LARP4: variants seen among roughly 807,000 people sequenced by gnomAD.
LARP4 encodes the protein La ribonucleoprotein 4.
A neutral mutation model predicts 92.9 loss-of-function variants in LARP4; 29 were observed. The ratio of observed to expected loss-of-function variants is 0.31; its 90% CI spans 0.23 to 0.43. LARP4 has a LOEUF of 0.43. Ranked by LOEUF, LARP4 falls within the 20% of genes least tolerant of loss-of-function variation. The pLI is 1.00. For synonymous variants in LARP4, 279 were observed against 284.1 expected, an observed-to-expected ratio of 0.98 and a Z score of 0.18; for missense variants, 732 against 860.0, an observed-to-expected ratio of 0.85 and a Z score of 1.86.
chr12:50,470,653 C>T (rs1332225749), intron 13 of LARP4, among the ~76,000 whole-genome samples: 2 of 152,020 alleles, frequency 1.3e-5, no homozygotes, highest in South Asian at 2.1e-4. Context: ...AGGGTGGTCT[C>T]GAACTCCTGA....
chr12:50,430,687 A>T (rs928012215), intron 4 of LARP4, 117 bp downstream of exon 4: 7 of 588,340 alleles, frequency 1.2e-5, no homozygotes, highest in African/African-American at 1.9e-5. Flanking sequence ...CTTGAGACAG[A>T]GTCTCATGTT....
At chr12:50,413,558 A>C (rs1946272907) in intron 1 of LARP4, among the ~76,000 whole-genome samples, 1 of 152,234 alleles carries the variant, frequency 6.6e-6, no homozygotes, top group African/African-American at 2.4e-5. Context: ...TTATGTGAAC[A>C]TCAGAAAATA....
At chr12:50,426,687 GTGTGTGTGTGTGTGTGTGTGTGTGTGTGT>G (rs1948779875) in intron 1 of LARP4, among the ~76,000 whole-genome samples, 5 of 81,032 alleles carry the variant, frequency 6.2e-5, no homozygotes, top group African/African-American at 2.3e-4. Context: ...TGTTTGGGGT[GTGTGTGTGTGTGTGTGTGTGTGTGTGTGT>G]GTGTGTGTGT....
At position 50,474,228 on chromosome 12, in the gene LARP4, T is replaced by TTTC; in HGVS notation, c.1836+62_1836+64dup. On this transcript the variant is annotated intron_variant, in intron 15 of 15. Coordinates refer to ENST00000398473, the MANE Select transcript of LARP4 (RefSeq NM_052879.5). ...ACAATAGATTAGATTTTTTTTTTTT[T>TTTC]TTCACGTAACACTTTGTTAGAACAG... 3 of 1,328,706 alleles carry TTTC rather than the reference T, an allele frequency of 2.3e-6. No homozygotes were observed. The Admixed American group carries it at 6.4e-5, about 29-fold the overall frequency. 82.3% of individuals were successfully genotyped at this position (1,328,706 alleles called of 1,614,324 possible).
intron 1 of LARP4, among the ~76,000 whole-genome samples, chr12:50,419,087 A>G (rs926507995): frequency 1.1e-4 from 17 of 152,264 alleles, no homozygotes; most frequent in Middle Eastern, 3.4e-3. Flanking sequence ...GAGGCTGGGC[A>G]TGGTGGTTCA....
At chr12:50,451,244 G>A (rs1346111344) in intron 8 of LARP4, among the ~76,000 whole-genome samples, 1 of 152,032 alleles carries the variant, frequency 6.6e-6, no homozygotes, top group Non-Finnish European at 1.5e-5. Context: ...CCTAGCTTAT[G>A]GTAACCACCA....
At chr12:50,473,816 G>GGGGGGGT (rs1957221940) in intron 14 of LARP4, among the ~76,000 whole-genome samples, 183 bp from the exon 15 acceptor site, 2 of 139,114 alleles carry the variant, frequency 1.4e-5, no homozygotes, top group East Asian at 4.7e-4. Context: ...TGGGGGGGTG[G>GGGGGGGT]GGGGGGTGGG....
chr12:50,441,119 G>C (rs188720013), intron 7 of LARP4, among the ~76,000 whole-genome samples: 2 of 152,192 alleles, frequency 1.3e-5, no homozygotes, highest in Admixed American at 6.5e-5. Flanking sequence ...TCCTGACCTC[G>C]TGATTCGCCT....
chr12:50,413,606 A>G (rs1203276183), intron 1 of LARP4, among the ~76,000 whole-genome samples: 1 of 152,188 alleles, frequency 6.6e-6, no homozygotes, highest in Non-Finnish European at 1.5e-5. Context: ...CAACACACCT[A>G]GGCTATATGG....
At chr12:50,470,444 T>TCA (rs1956798526) in intron 13 of LARP4, among the ~76,000 whole-genome samples, 1 of 151,944 alleles carries the variant, frequency 6.6e-6, no homozygotes, top group Admixed American at 6.6e-5. Flanking sequence ...TCTTTCTTTT[T>TCA]TTTTTTGAGA....
chr12:50,429,162 C>T, intron 3 of LARP4, 72 bp downstream of exon 3: 1 of 1,061,330 alleles, frequency 9.4e-7, no homozygotes. Flanking sequence ...TCTCTTTATA[C>T]TTGTTCTGAT....
chr12:50,471,608 C>G (rs914812934), intron 13 of LARP4, among the ~76,000 whole-genome samples: 7 of 152,168 alleles, frequency 4.6e-5, no homozygotes, highest in Non-Finnish European at 8.8e-5. Context: ...ATTGCAACCT[C>G]CACTGCCAGG....
intron 13 of LARP4, among the ~76,000 whole-genome samples, chr12:50,470,213 C>T (rs959604039): frequency 2.7e-5 from 1 of 37,662 alleles, no homozygotes; most frequent in Non-Finnish European, 5.2e-5. Flanking sequence ...GACAGAGCAA[C>T]CTGTCTCAAA....
chr12:50,421,036 ACCT>A (rs1424406886), intron 1 of LARP4: 2 of 129,894 alleles, frequency 1.5e-5, no homozygotes, highest in Non-Finnish European at 3.1e-5. Context: ...TGCAACCTCC[ACCT>A]CCTGGGTTCA....
intron 1 of LARP4, chr12:50,420,946 G>GTTTTTTTTTTTTTTT (rs1592885035): frequency 2.2e-5 from 1 of 44,624 alleles, no homozygotes; most frequent in African/African-American, 4.3e-5. Context: ...AATAACCTTT[G>GTTTTTTTTTTTTTTT]CTTTTTTTTT....
chr12:50,428,812 G>A, intron 2 of LARP4, 123 bp from the exon 3 acceptor site: 1 of 670,316 alleles, frequency 1.5e-6, no homozygotes, highest in Non-Finnish European at 2.4e-6. Flanking sequence ...TTAAAACCAT[G>A]CGGACATATT....
chr12:50,442,357 AT>A (rs1951346546), intron 8 of LARP4, among the ~76,000 whole-genome samples: 1 of 152,212 alleles, frequency 6.6e-6, no homozygotes, highest in Non-Finnish European at 1.5e-5. Context: ...CTGATGACAC[AT>A]TTGATCCCTG....
chr12:50,401,639 G>A (rs1943868112), intron 1 of LARP4, among the ~76,000 whole-genome samples: 1 of 152,144 alleles, frequency 6.6e-6, no homozygotes, highest in Non-Finnish European at 1.5e-5. Flanking sequence ...GAAAGGCACC[G>A]CTTTGACCTT....
intron 5 of LARP4, 50 bp downstream of exon 5, chr12:50,435,674 GTTAT>G (rs1156566068): frequency 2.2e-6 from 3 of 1,364,152 alleles, no homozygotes; most frequent in Non-Finnish European, 3.0e-6. Flanking sequence ...AACGTAAAAT[GTTAT>G]TTCGACTTCT....
Sources: allele counts gnomAD v4.1 joint callset (sites outside exome capture counted in the v4.1 genomes callset), GRCh38; gene constraint gnomAD v4.1.1; transcripts MANE v1.5; gene names NCBI Gene and HGNC (gene_info 2026-07-23, HGNC 2026-07-21).